The following DGKH variants were observed in gnomAD, a reference collection of about 807,000 sequenced individuals.
DGKH encodes the protein DAG kinase eta.
A neutral mutation model predicts 159.3 loss-of-function variants in DGKH; 90 were observed. The observed-to-expected ratio is 0.57, with a 90% confidence interval of 0.48 to 0.67. The LOEUF is 0.67. DGKH is among the 30% of genes least tolerant of loss of function. The pLI, the probability that DGKH is intolerant of heterozygous loss-of-function variation, is 0.00. For synonymous variants in DGKH, 536 were observed against 553.8 expected (o/e 0.97, Z 0.45); for missense variants, 1,181 against 1,506.1 (o/e 0.78, Z 3.57).
chr13:42,151,333 C>G (rs992829868), intron 3 of DGKH, among the ~76,000 whole-genome samples: 1 of 151,678 alleles, frequency 6.6e-6, no homozygotes, highest in Non-Finnish European at 1.5e-5. Flanking sequence ...CATGTGTACA[C>G]ATTATTTAAC....
In DGKH at chr13:42,054,311, A is replaced by C. The variant is rs1881587233; in HGVS notation, c.192+5346A>C. Reference sequence around the variant, plus strand: ...ATCATAATGATCCAAATAGATGGGAAACAGAAACATGGCCAGAAGAATATT... The same window carrying C: ...ATCATAATGATCCAAATAGATGGGACACAGAAACATGGCCAGAAGAATATT... On this transcript the variant is annotated intron_variant, in intron 1 of 29. Transcript: ENST00000337343. 2.0e-5 allele frequency among the ~76,000 whole-genome samples: 3 copies of C among 152,242 alleles called. No individual in the cohort carries two copies. The South Asian group carries it at 6.2e-4, about 31-fold the overall frequency.
At position 42,105,610 on chromosome 13, in the gene DGKH, G is replaced by A. The variant is rs1389195252; in HGVS notation, c.193-21853G>A. ...CTGCTTTCTTATCTGGAAAAGTATT[G>A]TCTGAGTTGTCATAGGATGTTGTCC... On this transcript the variant is annotated intron_variant, in intron 1 of 29. Coordinates refer to ENST00000337343, the MANE Select transcript of DGKH (RefSeq NM_178009.5). Among the ~76,000 whole-genome samples the A allele has an allele frequency of 8.5e-5, 13 of 152,266 alleles. 1 individual carries two copies. The East Asian group carries it at 2.5e-3, about 29-fold the overall frequency.
intron 1 of DGKH, among the ~76,000 whole-genome samples, chr13:42,075,964 T>A (rs1954087868): frequency 6.6e-6 from 1 of 152,222 alleles, no homozygotes. Context: ...TTAAGTATCA[T>A]ACAATAATAG....
At chr13:42,249,613 A>G (rs922917459) in intron 29 of DGKH, among the ~76,000 whole-genome samples, 9 of 152,216 alleles carry the variant, frequency 5.9e-5, no homozygotes, top group Non-Finnish European at 8.8e-5. Context: ...GAAAGCAGCC[A>G]CAAACGATAT....
chr13:42,089,066 C>A (rs1046470259), intron 1 of DGKH, among the ~76,000 whole-genome samples: 3 of 152,170 alleles, frequency 2.0e-5, no homozygotes, highest in Non-Finnish European at 2.9e-5. Context: ...TCAAGAAGAT[C>A]TAATATCCTA....
chr13:42,077,789 A>G (rs1954127689), intron 1 of DGKH, among the ~76,000 whole-genome samples: 1 of 152,192 alleles, frequency 6.6e-6, no homozygotes, highest in Non-Finnish European at 1.5e-5. Flanking sequence ...TTCCATTCCA[A>G]CCAAATAGAA....
In DGKH at chr13:42,155,759, G is replaced by C. The variant is rs754662217; in HGVS notation, c.582G>C (p.Glu194Asp). The C allele has an allele frequency of 4.3e-6, 7 of 1,614,102 alleles. 1 individual carries two copies. In the Middle Eastern group the frequency reaches 4.9e-4, roughly 114 times the overall value. ...CCACCTTCTGTAACGTGTGCAGAGAGAGTCTTTCTGGAGTCACCTCCCATG... is the reference window on the plus strand; with the variant it reads ...CCACCTTCTGTAACGTGTGCAGAGACAGTCTTTCTGGAGTCACCTCCCATG... ...ARPTFCNVCR[E>D]SLSGVTSHGL... is the part of the protein sequence containing the mutation. Residue 194 changes from glutamate to aspartate, a missense_variant, in exon 5 of 30, where the codon GAG (glutamate) becomes GAC (aspartate). This residue lies in a region of DGKH where 369 missense variants were observed against 519.4 expected (regional missense o/e 0.71). Transcript: ENST00000337343.
intron 1 of DGKH, among the ~76,000 whole-genome samples, chr13:42,052,369 C>G (rs1881384957): frequency 6.6e-6 from 1 of 152,166 alleles, no homozygotes; most frequent in Non-Finnish European, 1.5e-5. Context: ...TTTCCTTTCT[C>G]TGAATAACCT....
At chr13:42,198,319 T>A (rs920083806) in intron 17 of DGKH, among the ~76,000 whole-genome samples, 159 bp from the exon 18 acceptor site, 1 of 152,188 alleles carries the variant, frequency 6.6e-6, no homozygotes, top group Non-Finnish European at 1.5e-5. Flanking sequence ...CAAATGTCAT[T>A]GTTTTTAATT....
chr13:42,192,475 A>C (rs1218080433), intron 16 of DGKH, among the ~76,000 whole-genome samples: 1 of 152,154 alleles, frequency 6.6e-6, no homozygotes, highest in Non-Finnish European at 1.5e-5. Flanking sequence ...TAGTTTAAGG[A>C]GCAATTTCAT....
chr13:42,206,667 C>T (rs982371331), intron 21 of DGKH, among the ~76,000 whole-genome samples: 1 of 152,018 alleles, frequency 6.6e-6, no homozygotes, highest in Non-Finnish European at 1.5e-5. Flanking sequence ...TGGAGCGTCT[C>T]GAGGCTGCCC....
chr13:42,042,787 A>G (rs1255171539), intron 1 of DGKH, among the ~76,000 whole-genome samples: 1 of 152,212 alleles, frequency 6.6e-6, no homozygotes, highest in Non-Finnish European at 1.5e-5. Flanking sequence ...ATGTGGCATA[A>G]AATAATACTT....
intron 5 of DGKH, 80 bp from the exon 6 acceptor site, chr13:42,159,186 G>T: frequency 6.9e-6 from 5 of 727,076 alleles, no homozygotes; most frequent in East Asian, 6.0e-5. Flanking sequence ...AAAATTTTAT[G>T]CTGTGATTTC....
intron 1 of DGKH, among the ~76,000 whole-genome samples, chr13:42,049,182 C>G (rs899506221): frequency 2.0e-3 from 4 of 1,956 alleles, no homozygotes; most frequent in Non-Finnish European, 3.3e-3. Flanking sequence ...GCGGGCGGGG[C>G]GGGGAGGGGT....
intron 1 of DGKH, among the ~76,000 whole-genome samples, chr13:42,083,773 T>G (rs1214085047): frequency 3.3e-5 from 5 of 152,156 alleles, no homozygotes; most frequent in Admixed American, 6.5e-5. Flanking sequence ...TAAAAGCTTT[T>G]AAAGAAATAT....
At position 42,214,621 on chromosome 13, in the gene DGKH, C is replaced by T. The variant is rs1279382866; in HGVS notation, c.3120+9C>T. 1 of 1,609,562 alleles carries T rather than the reference C, an allele frequency of 6.2e-7. No homozygotes were observed. Among genetic ancestry groups the T allele is most frequent in the Admixed American group, 1.7e-5 (1 of 59,120 alleles). On this transcript the variant is annotated intron_variant, in intron 25 of 29. Coordinates refer to ENST00000337343, the MANE Select transcript of DGKH (RefSeq NM_178009.5). Reference sequence around the variant, plus strand: ...ACCCAAGGTGCCCGGAGGTGAGGATCTAATGGTAAATTCTCATTCCACAGA... The same window carrying T: ...ACCCAAGGTGCCCGGAGGTGAGGATTTAATGGTAAATTCTCATTCCACAGA...
In DGKH at chr13:42,215,654, G is replaced by A; in HGVS notation, c.3200G>A (p.Gly1067Asp). ...LYNETESLLVGRVPLQLESPH... is the reference protein window; with the variant it reads ...LYNETESLLVDRVPLQLESPH... ...AATGAAACAGAATCTTTGCTAGTTG[G>A]CAGGGTTCCTTTGGTAAGGAAAAGA... Residue 1067 changes from glycine to aspartate, a missense_variant, in exon 26 of 30, where the codon GGC (glycine) becomes GAC (aspartate). Transcript: ENST00000337343. The A allele has an allele frequency of 6.2e-7, 1 of 1,609,668 alleles. No individual in the cohort carries two copies. Among genetic ancestry groups the A allele is most frequent in the South Asian group, 1.1e-5 (1 of 90,380 alleles).
intron 3 of DGKH, among the ~76,000 whole-genome samples, chr13:42,136,300 C>T (rs9566930): frequency 0.031 from 4,766 of 152,216 alleles, 128 homozygotes; most frequent in South Asian, 0.095. Flanking sequence ...TGCTGCTTAT[C>T]TTTCAGAGAT....
At chr13:42,098,945 C>G (rs192143266) in intron 1 of DGKH, among the ~76,000 whole-genome samples, 1 of 152,270 alleles carries the variant, frequency 6.6e-6, no homozygotes, top group African/African-American at 2.4e-5. Context: ...GGAAAAATTA[C>G]AAATTCATAG....
Sources: allele counts gnomAD v4.1 joint callset (sites outside exome capture counted in the v4.1 genomes callset), GRCh38; gene constraint gnomAD v4.1.1; regional missense constraint gnomAD v4.1.1; transcripts MANE v1.5; gene names NCBI Gene and HGNC (gene_info 2026-07-23, HGNC 2026-07-21).